CADM2: variants seen among roughly 807,000 people sequenced by gnomAD.
CADM2 encodes the protein immunoglobulin superfamily member 4D.
CADM2 carries 12 observed loss-of-function variants against 49.8 expected under a neutral mutation model. The ratio of observed to expected loss-of-function variants is 0.24; its 90% CI spans 0.15 to 0.39. The LOEUF is 0.39. Ranked by LOEUF, CADM2 falls within the 10% of genes least tolerant of loss-of-function variation. The pLI, the probability that CADM2 is intolerant of heterozygous loss-of-function variation, is 1.00. For synonymous variants in CADM2, 214 were observed against 175.4 expected, an observed-to-expected ratio of 1.22 and a Z score of -1.74; for missense variants, 378 against 492.3, an observed-to-expected ratio of 0.77 and a Z score of 2.20.
At chr3:85,953,134 A>G (rs1280340769) in intron 7 of CADM2, among the ~76,000 whole-genome samples, 1 of 150,836 alleles carries the variant, frequency 6.6e-6, no homozygotes, top group African/African-American at 2.4e-5. Context: ...ATATTGGTGT[A>G]ATCATCAGTT....
intron 1 of CADM2, among the ~76,000 whole-genome samples, chr3:85,148,104 T>C (rs1053777514): frequency 1.3e-5 from 2 of 152,320 alleles, no homozygotes; most frequent in Middle Eastern, 3.4e-3. Context: ...TCTAGGCAGG[T>C]CATTTAATGA....
At chr3:85,937,875 A>T (rs936727059) in intron 7 of CADM2, among the ~76,000 whole-genome samples, 2 of 152,044 alleles carry the variant, frequency 1.3e-5, no homozygotes, top group Non-Finnish European at 2.9e-5. Context: ...CAACGTCTTC[A>T]AAGTAAAGTA....
At chr3:85,013,868 T>G (rs973080300) in intron 1 of CADM2, among the ~76,000 whole-genome samples, 1 of 147,386 alleles carries the variant, frequency 6.8e-6, no homozygotes, top group Non-Finnish European at 1.5e-5. Context: ...ATATTAATAT[T>G]AATTATAATT....
chr3:85,401,833 T>A (rs1372114243), intron 1 of CADM2, among the ~76,000 whole-genome samples: 1 of 152,088 alleles, frequency 6.6e-6, no homozygotes, highest in Non-Finnish European at 1.5e-5. Flanking sequence ...AGCACAGGTA[T>A]GTTTACTCAA....
At chr3:85,207,022 G>T (rs1355148641) in intron 1 of CADM2, among the ~76,000 whole-genome samples, 1 of 150,182 alleles carries the variant, frequency 6.7e-6, no homozygotes, top group Non-Finnish European at 1.5e-5. Context: ...AGCCTACTAG[G>T]CAGAATCAGT....
chr3:85,123,967 G>A (rs1410538731), intron 1 of CADM2, among the ~76,000 whole-genome samples: 1 of 152,152 alleles, frequency 6.6e-6, no homozygotes, highest in Non-Finnish European at 1.5e-5. Context: ...ATGTTGGGCT[G>A]GGATGAGCTA....
chr3:85,058,888 A>G (rs1244120923), intron 1 of CADM2, among the ~76,000 whole-genome samples: 1 of 151,932 alleles, frequency 6.6e-6, no homozygotes, highest in East Asian at 1.9e-4. Flanking sequence ...ACAGAAAAAT[A>G]TTATGCAAAA....
intron 6 of CADM2, among the ~76,000 whole-genome samples, chr3:85,916,530 C>T (rs1404390090): frequency 6.6e-6 from 1 of 151,812 alleles, no homozygotes; most frequent in African/African-American, 2.4e-5. Context: ...CATAGTATTC[C>T]ATGGTGTATA....
chr3:85,226,493 C>T (rs2107802825), intron 1 of CADM2, among the ~76,000 whole-genome samples: 1 of 151,962 alleles, frequency 6.6e-6, no homozygotes, highest in South Asian at 2.1e-4. Flanking sequence ...TTTTATCGCA[C>T]CTATTTGATT....
intron 1 of CADM2, among the ~76,000 whole-genome samples, chr3:84,994,502 G>C (rs1275576983): frequency 6.6e-6 from 1 of 152,036 alleles, no homozygotes; most frequent in African/African-American, 2.4e-5. Flanking sequence ...TAGGTAAGTA[G>C]GAAGGTAGGT....
At chr3:85,099,972 G>GT (rs573467862) in intron 1 of CADM2, among the ~76,000 whole-genome samples, 56 of 150,920 alleles carry the variant, frequency 3.7e-4, no homozygotes, top group Middle Eastern at 3.5e-3. Context: ...ATTCCATACT[G>GT]TTTTTTTTTC....
chr3:85,769,265 A>C (rs1434332397), intron 2 of CADM2, among the ~76,000 whole-genome samples: 1 of 94,962 alleles, frequency 1.1e-5, no homozygotes, highest in African/African-American at 5.9e-5. Context: ...GTATATATAC[A>C]CATATATACA....
intron 1 of CADM2, among the ~76,000 whole-genome samples, chr3:85,621,327 T>A (rs2063970745): frequency 6.6e-6 from 1 of 152,170 alleles, no homozygotes. Context: ...TGAGTTGTTT[T>A]TTAAATAAAA....
chr3:85,892,695 T>G (rs1043611766), intron 5 of CADM2, among the ~76,000 whole-genome samples: 1 of 152,186 alleles, frequency 6.6e-6, no homozygotes, highest in East Asian at 1.9e-4. Context: ...TATAAATTAC[T>G]CATCTCAGGT....
At chr3:85,185,107 G>T (rs973247312) in intron 1 of CADM2, among the ~76,000 whole-genome samples, 1 of 152,016 alleles carries the variant, frequency 6.6e-6, no homozygotes, top group Admixed American at 6.6e-5. Context: ...ACAATATATT[G>T]CAGCACTCTT....
At chr3:86,037,357 T>G (rs1242550659) in intron 8 of CADM2, among the ~76,000 whole-genome samples, 1 of 152,190 alleles carries the variant, frequency 6.6e-6, no homozygotes, top group Non-Finnish European at 1.5e-5. Context: ...TTGGTTGTTA[T>G]GTATATGTAA....
intron 1 of CADM2, among the ~76,000 whole-genome samples, chr3:85,567,290 A>G (rs540679676): frequency 7.9e-5 from 12 of 152,320 alleles, no homozygotes; most frequent in African/African-American, 2.6e-4. Flanking sequence ...GCAATGTACA[A>G]CATACAAACC....
At chr3:86,065,314 G>C (rs750506663) in intron 8 of CADM2, among the ~76,000 whole-genome samples, 4 of 152,156 alleles carry the variant, frequency 2.6e-5, no homozygotes, top group Non-Finnish European at 5.9e-5. Flanking sequence ...TCAGATGGAG[G>C]TGAGGAGGAA....
chr3:85,601,124 A>ATGTGAG (rs2063381069), intron 1 of CADM2, among the ~76,000 whole-genome samples: 1 of 61,650 alleles, frequency 1.6e-5, no homozygotes, highest in Non-Finnish European at 3.2e-5. Flanking sequence ...GCATTTATAT[A>ATGTGAG]TGTGTGTATA....
Sources: gnomAD v4.1 joint callset for allele counts (sites outside exome capture counted in the v4.1 genomes callset) on GRCh38, gnomAD v4.1.1 for gene constraint, MANE v1.5 for transcripts, NCBI Gene and HGNC (gene_info 2026-07-23, HGNC 2026-07-21) for gene names.